The following DPP10 variants were observed in gnomAD, a reference collection of about 807,000 sequenced individuals.
DPP10 encodes the protein dipeptidyl peptidase like 10.
A neutral mutation model predicts 120.9 loss-of-function variants in DPP10; 33 were observed. The observed-to-expected ratio is 0.27, with a 90% CI of 0.21 to 0.37. DPP10 has a LOEUF of 0.37. DPP10 is among the 10% of genes least tolerant of loss of function. The pLI is 1.00. For synonymous variants in DPP10, 337 were observed against 326.1 expected, an observed-to-expected ratio of 1.03 and a Z score of -0.36; for missense variants, 816 against 942.8, an observed-to-expected ratio of 0.87 and a Z score of 1.76.
chr2:114,994,528 C>T (rs1700955702), intron 1 of DPP10, among the ~76,000 whole-genome samples: 2 of 152,168 alleles, frequency 1.3e-5, no homozygotes, highest in Admixed American at 6.5e-5. Context: ...CCCACCTACC[C>T]TAATGGGAAT....
At chr2:115,523,568 A>G (rs1367018448) in intron 4 of DPP10, among the ~76,000 whole-genome samples, 3 of 152,130 alleles carry the variant, frequency 2.0e-5, no homozygotes, top group Non-Finnish European at 4.4e-5. Flanking sequence ...GAATGATGAC[A>G]TTGCCCTATC....
At chr2:115,734,655 TA>T (rs55950813) in intron 8 of DPP10, among the ~76,000 whole-genome samples, 4,241 of 100,148 alleles carry the variant, frequency 0.042, 238 homozygotes, top group African/African-American at 0.14. Flanking sequence ...GACTCTGTCT[TA>T]AAAAAAAAAA....
At chr2:115,591,169 C>T (rs1054574727) in intron 5 of DPP10, among the ~76,000 whole-genome samples, 14 of 152,168 alleles carry the variant, frequency 9.2e-5, no homozygotes, top group Non-Finnish European at 1.5e-5. Context: ...AATTAGATCC[C>T]ATTTGTCAAT....
rs71297186 is a variant in DPP10 at position 114,468,397 on chromosome 2, C to CAAAAAAAAAAAAAAAA, written c.60+25568_60+25583dup. 1.7e-3 allele frequency among the ~76,000 whole-genome samples: 118 copies of CAAAAAAAAAAAAAAAA among 69,516 alleles called. 2 individuals are homozygous for CAAAAAAAAAAAAAAAA. Among genetic ancestry groups the CAAAAAAAAAAAAAAAA allele is most frequent in the African/African-American group, 6.1e-3 (115 of 18,810 alleles). The allele number at this position is 69,516 out of a possible 152,430, so 45.6% of individuals were successfully genotyped here. A position where few individuals can be genotyped will look rare whatever the true frequency, so the allele number is the denominator to read the frequency against. On this transcript the variant is annotated intron_variant, in intron 1 of 25. Transcript: ENST00000410059. ...GGATGACCTTGTCAGGCTTACAATG[C>CAAAAAAAAAAAAAAAA]AAAAAAAAAAAAAAAAAAAAAAAAT... is the stretch of plus-strand genomic sequence containing the variant.
At chr2:114,873,571 T>A (rs1392519073) in intron 1 of DPP10, among the ~76,000 whole-genome samples, 1 of 152,130 alleles carries the variant, frequency 6.6e-6, no homozygotes, top group Non-Finnish European at 1.5e-5. Context: ...GGAGCAGCTG[T>A]CATGGCTGCG....
chr2:115,617,519 A>T (rs1456765984), intron 5 of DPP10, among the ~76,000 whole-genome samples: 1 of 151,820 alleles, frequency 6.6e-6, no homozygotes, highest in Non-Finnish European at 1.5e-5. Flanking sequence ...CAGTAGCCCT[A>T]TAAGATTATA....
chr2:114,736,252 C>T (rs1677422831), intron 1 of DPP10, among the ~76,000 whole-genome samples: 1 of 152,060 alleles, frequency 6.6e-6, no homozygotes, highest in African/African-American at 2.4e-5. Flanking sequence ...TGTGCGTGCT[C>T]ATGCCTCCTC....
chr2:114,525,783 G>T (rs1354900735), intron 1 of DPP10, among the ~76,000 whole-genome samples: 1 of 152,170 alleles, frequency 6.6e-6, no homozygotes, highest in African/African-American at 2.4e-5. Flanking sequence ...ACATCTCCAT[G>T]AAAGTATCTT....
intron 5 of DPP10, among the ~76,000 whole-genome samples, chr2:115,601,622 G>T (rs2083324788): frequency 6.6e-6 from 1 of 152,150 alleles, no homozygotes; most frequent in South Asian, 2.1e-4. Context: ...AATGAGCTTG[G>T]ATGTGGATTT....
chr2:115,253,813 T>C (rs2058855915), intron 1 of DPP10, among the ~76,000 whole-genome samples: 1 of 152,162 alleles, frequency 6.6e-6, no homozygotes, highest in Admixed American at 6.5e-5. Flanking sequence ...TGCTGGTGGA[T>C]CTACCATTCT....
chr2:114,653,388 T>C (rs1457783337), intron 1 of DPP10, among the ~76,000 whole-genome samples: 1 of 152,126 alleles, frequency 6.6e-6, no homozygotes, highest in Non-Finnish European at 1.5e-5. Context: ...TTGTGGAGCC[T>C]GTGGAAACCG....
Position 114,592,267 on chromosome 2 carries a change from C to T in DPP10, c.60+149429C>T, listed in dbSNP as rs147387005. On this transcript the variant is annotated intron_variant, in intron 1 of 25. Coordinates refer to ENST00000410059, the MANE Select transcript of DPP10 (RefSeq NM_020868.6). The stretch of plus-strand genomic sequence containing the variant: ...AAACTTTCTAGATTATGATTTGAGG[C>T]GATTATTTCACTGCCTATACCCCAG... 6.3e-3 allele frequency among the ~76,000 whole-genome samples: 959 copies of T among 152,130 alleles called. 9 individuals are homozygous for T. The highest frequency in any genetic ancestry group is 0.022 in the African/African-American group (903 of 41,518).
intron 1 of DPP10, among the ~76,000 whole-genome samples, chr2:114,542,303 C>T (rs758423258): frequency 2.0e-5 from 3 of 152,050 alleles, no homozygotes; most frequent in Admixed American, 1.3e-4. Context: ...AAGTCCCAGT[C>T]TCCCAAAGTG....
At chr2:115,383,825 T>C (rs2066631490) in intron 3 of DPP10, among the ~76,000 whole-genome samples, 1 of 152,236 alleles carries the variant, frequency 6.6e-6, no homozygotes, top group Admixed American at 6.5e-5. Flanking sequence ...TTCCAACATT[T>C]GATTCTTGCA....
At chr2:114,576,296 C>G (rs1418810798) in intron 1 of DPP10, among the ~76,000 whole-genome samples, 1 of 152,036 alleles carries the variant, frequency 6.6e-6, no homozygotes, top group Non-Finnish European at 1.5e-5. Flanking sequence ...TTTCAAGGGG[C>G]AGAGATATTA....
chr2:115,088,661 G>T (rs2104542428), intron 1 of DPP10, among the ~76,000 whole-genome samples: 1 of 133,224 alleles, frequency 7.5e-6, no homozygotes, highest in South Asian at 2.5e-4. Context: ...GCCCAGGCTG[G>T]TCTCAAATTC....
intron 13 of DPP10, 69 bp from the exon 14 acceptor site, chr2:115,777,139 T>C: frequency 7.3e-7 from 1 of 1,378,884 alleles, no homozygotes; most frequent in Non-Finnish European, 1.0e-6. Flanking sequence ...AAGCAGTTGG[T>C]ACATTCGTGT....
chr2:114,905,338 T>G (rs1693879556), intron 1 of DPP10, among the ~76,000 whole-genome samples: 1 of 152,162 alleles, frequency 6.6e-6, no homozygotes. Context: ...TCTATTTACT[T>G]AGATCTTTAA....
At chr2:115,270,729 C>T (rs1169391320) in intron 1 of DPP10, among the ~76,000 whole-genome samples, 1 of 152,190 alleles carries the variant, frequency 6.6e-6, no homozygotes, top group African/African-American at 2.4e-5. Context: ...TTATGACACA[C>T]ATGCTCATTG....
Sources: allele counts gnomAD v4.1 joint callset (sites outside exome capture counted in the v4.1 genomes callset), GRCh38; gene constraint gnomAD v4.1.1; transcripts MANE v1.5; gene names NCBI Gene and HGNC (gene_info 2026-07-23, HGNC 2026-07-21).